The following WDR5 variants were observed in gnomAD, a reference collection of about 807,000 sequenced individuals.
WDR5 encodes WD repeat domain 5.
For missense variants in WDR5, 187 were observed against 416.9 expected, an observed-to-expected ratio of 0.45 and a Z score of 4.80; for synonymous variants, 144 against 161.6, an observed-to-expected ratio of 0.89 and a Z score of 0.83.
At chr9:134,146,610 C>G (rs1021953527) in intron 7 of WDR5, among the ~76,000 whole-genome samples, 1 of 152,188 alleles carries the variant, frequency 6.6e-6, no homozygotes, top group Admixed American at 6.5e-5. Context: ...CTGTATTGCC[C>G]CTTGCACCTG....
In WDR5 at chr9:134,159,949, A is replaced by C. The variant is rs991340525; in HGVS notation, c.*1956A>C. 1.3e-5 allele frequency: 2 copies of C among 152,180 alleles called. No individual in the cohort carries two copies. The highest frequency in any genetic ancestry group is 4.8e-5 in the African/African-American group (2 of 41,444). 9.4% of individuals were successfully genotyped at this position (152,180 alleles called of 1,614,324 possible). A position where few individuals can be genotyped will look rare whatever the true frequency, so the allele number is the denominator to read the frequency against. On this transcript the variant is annotated 3_prime_UTR_variant, in exon 14 of 14. Transcript: ENST00000358625. The surrounding 1 kb of genome is among the most constrained non-coding windows in gnomAD (Gnocchi z 4.3). The stretch of plus-strand genomic sequence containing the variant: ...TAAAAATACATTCTTTTTGAAAATA[A>C]AAATTTTCATGTCTTCTAATTTAGT...
chr9:134,150,330 C>T (rs1433745687), intron 8 of WDR5, among the ~76,000 whole-genome samples: 2 of 152,178 alleles, frequency 1.3e-5, no homozygotes, highest in African/African-American at 2.4e-5. Context: ...AGATTAAAGG[C>T]GTTAAATGTC....
intron 11 of WDR5, 85 bp from the exon 12 acceptor site, chr9:134,155,608 G>A: frequency 1.4e-6 from 2 of 1,441,070 alleles, no homozygotes; most frequent in South Asian, 2.4e-5. Context: ...GAAGTGAGTA[G>A]TGAAACGCCT....
chr9:134,156,362 C>T, intron 12 of WDR5, 144 bp from the exon 13 acceptor site: 2 of 744,610 alleles, frequency 2.7e-6, no homozygotes, highest in Non-Finnish European at 4.5e-6. Context: ...GGAGGGCAGG[C>T]AGGGCTTTTT....
chr9:134,156,249 C>T (rs1345729653), intron 12 of WDR5, among the ~76,000 whole-genome samples: 2 of 152,266 alleles, frequency 1.3e-5, no homozygotes, highest in Non-Finnish European at 2.9e-5. Flanking sequence ...TCCTGGAAGC[C>T]TCTCCTGGGG....
At chr9:134,145,479 G>T (rs1222583999) in intron 7 of WDR5, among the ~76,000 whole-genome samples, 1 of 152,236 alleles carries the variant, frequency 6.6e-6, no homozygotes, top group Non-Finnish European at 1.5e-5. Context: ...GACTCTGCCA[G>T]TCGCCTCTCA....
chr9:134,140,956 C>G, intron 3 of WDR5, 145 bp downstream of exon 3: 1 of 744,168 alleles, frequency 1.3e-6, no homozygotes, highest in Non-Finnish European at 2.3e-6. Context: ...GGGTGTGTCT[C>G]CTCCTGGAAC....
At position 134,157,076 on chromosome 9, in the gene WDR5, C is replaced by G. The variant is rs139585548; in HGVS notation, c.904+483C>G. Among the ~76,000 whole-genome samples, 80 of 152,322 alleles carry G rather than the reference C, an allele frequency of 5.3e-4. 1 individual carries two copies. Among genetic ancestry groups the G allele is most frequent in the African/African-American group, 1.7e-3 (71 of 41,570 alleles). On this transcript the variant is annotated intron_variant, in intron 13 of 13. Transcript: ENST00000358625. The surrounding 1 kb of genome is among the most constrained non-coding windows in gnomAD (Gnocchi z 5.0). ...ACCTGGGGTTGCCACCTCTGTGGGTCCCGGCTGCCCTCTGCAGCCGCCGCT... is the reference window on the plus strand; with the variant it reads ...ACCTGGGGTTGCCACCTCTGTGGGTGCCGGCTGCCCTCTGCAGCCGCCGCT...
chr9:134,140,906 TG>T, intron 3 of WDR5, 95 bp downstream of exon 3: 3 of 1,221,624 alleles, frequency 2.5e-6, no homozygotes, highest in Non-Finnish European at 3.6e-6. Context: ...CACCTACCGC[TG>T]GGGAGACGTA....
chr9:134,136,020 C>A (rs897637181), upstream of WDR5: 2 of 151,828 alleles, frequency 1.3e-5, no homozygotes, highest in Non-Finnish European at 2.9e-5. Flanking sequence ...TCCGAGAGGC[C>A]GGCTTTGTGA....
rs956782705 is a variant in WDR5 at position 134,140,914 on chromosome 9, C to G, written c.190+103C>G. The stretch of plus-strand genomic sequence containing the variant: ...GCTTCCTCACCTACCGCTGGGGAGA[C>G]GTAGCAGGCCGCTGGGGGGCACGTA... On this transcript the variant is annotated intron_variant, in intron 3 of 13. Coordinates refer to ENST00000358625, the MANE Select transcript of WDR5 (RefSeq NM_017588.3). The G allele has an allele frequency of 1.6e-5, 17 of 1,082,180 alleles. No individual in the cohort carries two copies. Among genetic ancestry groups the G allele is most frequent in the Non-Finnish European group, 2.4e-5 (17 of 709,684 alleles). 67.0% of individuals were successfully genotyped at this position (1,082,180 alleles called of 1,614,324 possible). A position where few individuals can be genotyped will look rare whatever the true frequency, so the allele number is the denominator to read the frequency against.
rs1043756693 is a variant in WDR5 at position 134,139,883 on chromosome 9, G to A, written c.6G>A (p.Ala2=). The A allele has an allele frequency of 5.0e-6, 8 of 1,613,326 alleles. 1 individual carries two copies. The highest frequency in any genetic ancestry group is 3.3e-5 in the South Asian group (3 of 91,080). The part of the protein sequence containing the change: M[A]TEEKKPETEA... ...GTGCGGCCAGCGTCAGAGCCATGGC[G>A]ACGGAGGAGAAGAAGCCCGAGACCG... is the stretch of plus-strand genomic sequence containing the variant. Residue 2 remains alanine, a synonymous_variant, in exon 2 of 14, where the codon GCG becomes GCA. Coordinates refer to ENST00000358625, the MANE Select transcript of WDR5 (RefSeq NM_017588.3).
chr9:134,149,800 AGGAGGTGGTT>A (rs1269774270), intron 8 of WDR5, among the ~76,000 whole-genome samples: 1 of 152,236 alleles, frequency 6.6e-6, no homozygotes, highest in Non-Finnish European at 1.5e-5. Flanking sequence ...GATGAGAACT[AGGAGGTGGTT>A]GGAAGCACCG....
In WDR5 at chr9:134,157,150, A is replaced by G. The variant is rs556344062; in HGVS notation, c.904+557A>G. 6.6e-6 allele frequency among the ~76,000 whole-genome samples: 1 copy of G among 152,202 alleles called. No homozygotes were observed. The highest frequency in any genetic ancestry group is 1.9e-4 in the East Asian group (1 of 5,168). ...ATTTCCACGTCTCATGGAGCCAACG[A>G]GAGCAGGGGGTTCGAGCCCTTGTGG... On this transcript the variant is annotated intron_variant, in intron 13 of 13. Transcript: ENST00000358625. The surrounding 1 kb of genome is among the most constrained non-coding windows in gnomAD (Gnocchi z 5.0).
chr9:134,141,726 G>A, intron 4 of WDR5, 143 bp downstream of exon 4: 1 of 988,428 alleles, frequency 1.0e-6, no homozygotes, highest in Non-Finnish European at 1.5e-6. Context: ...TTTGCATCTT[G>A]AACTTTTAAC....
Position 134,156,557 on chromosome 9 carries a change from A to T in WDR5, c.868A>T (p.Thr290Ser), listed in dbSNP as rs1832751821. The change falls in exon 13 of 14, where the codon ACG becomes TCG. Residue 290 changes from threonine (T) to serine (S), a missense_variant. Thr to Ser is a moderately conservative substitution (Grantham distance 58). Coordinates refer to ENST00000358625, the MANE Select transcript of WDR5 (RefSeq NM_017588.3). Reference sequence around the variant, plus strand: ...CCTTGTTTACATCTGGAACCTTCAGACGAAAGAGATTGTACAGAAACTACA... The same window carrying T: ...CCTTGTTTACATCTGGAACCTTCAGTCGAAAGAGATTGTACAGAAACTACA... Reference protein sequence around the residue: ...DNLVYIWNLQTKEIVQKLQGH... With the variant: ...DNLVYIWNLQSKEIVQKLQGH... The T allele has an allele frequency of 6.2e-7, 1 of 1,614,076 alleles. No individual in the cohort carries two copies. Among genetic ancestry groups the T allele is most frequent in the Admixed American group, 1.7e-5 (1 of 60,008 alleles).
At chr9:134,150,382 T>C (rs1243176576) in intron 8 of WDR5, among the ~76,000 whole-genome samples, 1 of 152,216 alleles carries the variant, frequency 6.6e-6, no homozygotes, top group Non-Finnish European at 1.5e-5. Flanking sequence ...AGGCGCCTGA[T>C]TGATAATATC....
chr9:134,138,885 T>C (rs746661723), intron 1 of WDR5, among the ~76,000 whole-genome samples: 4 of 152,238 alleles, frequency 2.6e-5, no homozygotes, highest in Non-Finnish European at 5.9e-5. Flanking sequence ...CCAGTGGTAT[T>C]TGCAAGCATG....
intron 6 of WDR5, 27 bp downstream of exon 6, chr9:134,142,449 G>C (rs910148036): frequency 6.2e-7 from 1 of 1,611,386 alleles, no homozygotes; most frequent in Non-Finnish European, 8.5e-7. Context: ...TGTCTTCCCT[G>C]GGGGAGGTGG....
Sources: gnomAD v4.1 joint callset for allele counts (sites outside exome capture counted in the v4.1 genomes callset) on GRCh38, gnomAD v4.1.1 for gene constraint, Gnocchi (gnomAD v3.1) non-coding constraint, MANE v1.5 for transcripts, NCBI Gene and HGNC (gene_info 2026-07-23, HGNC 2026-07-21) for gene names.